NDC1: variants seen among roughly 807,000 people sequenced by gnomAD.
The protein encoded by NDC1 is NDC1 transmembrane nucleoporin, also known as nucleoporin NDC1.
NDC1 carries 24 observed loss-of-function variants against 89.8 expected under a neutral mutation model. The observed-to-expected ratio is 0.27, with a 90% CI of 0.19 to 0.38. The LOEUF (loss-of-function observed/expected upper bound fraction) is 0.38. NDC1 is among the 10% of genes least tolerant of loss of function. The probability of loss-of-function intolerance (pLI) is 1.00; values close to 1 mark genes in which losing one functional copy is unlikely to be tolerated. For missense variants in NDC1, 728 were observed against 797.6 expected, an observed-to-expected ratio of 0.91 and a Z score of 1.05; for synonymous variants, 296 against 284.8, an observed-to-expected ratio of 1.04 and a Z score of -0.39.
chr1:53,806,559 T>C (rs763230002), intron 8 of NDC1, 42 bp from the exon 9 acceptor site: 19 of 1,263,080 alleles, frequency 1.5e-5, no homozygotes, highest in Non-Finnish European at 1.9e-5. Context: ...ATTTTCATGA[T>C]CTTACATTCA....
rs1409365012 is a variant in NDC1 at position 53,767,937 on chromosome 1, A to T, written c.*33T>A. 1 of 1,334,834 alleles carries T rather than the reference A, an allele frequency of 7.5e-7. No individual in the cohort carries two copies. Among genetic ancestry groups the T allele is most frequent in the East Asian group, 2.4e-5 (1 of 41,926 alleles). The allele number at this position is 1,334,834 out of a possible 1,614,324, so 82.7% of individuals were successfully genotyped here. ...TTACTGTCCCATCTGTAGTTGTATC[A>T]GCAGTGTAATGAACACAGTTTATAT... On this transcript the variant is annotated 3_prime_UTR_variant, in exon 18 of 18. Transcript: ENST00000371429.
chr1:53,802,856 G>C (rs551526785), intron 10 of NDC1, among the ~76,000 whole-genome samples: 40 of 152,238 alleles, frequency 2.6e-4, no homozygotes, highest in African/African-American at 9.6e-4. Flanking sequence ...AGTCACCATT[G>C]AATCTAGTTT....
chr1:53,804,297 T>C (rs972438070), intron 9 of NDC1, among the ~76,000 whole-genome samples: 1 of 152,124 alleles, frequency 6.6e-6, no homozygotes, highest in Non-Finnish European at 1.5e-5. Context: ...TTTTCCCTGG[T>C]TTCCCTCACA....
intron 2 of NDC1, among the ~76,000 whole-genome samples, chr1:53,833,263 C>T (rs567194324): frequency 6.6e-6 from 1 of 152,080 alleles, no homozygotes; most frequent in African/African-American, 2.4e-5. Flanking sequence ...TGGGTTCAAG[C>T]AATTCTCCTG....
intron 16 of NDC1, among the ~76,000 whole-genome samples, chr1:53,772,762 T>TA (rs1647128539): frequency 7.0e-6 from 1 of 142,388 alleles, no homozygotes; most frequent in African/African-American, 2.6e-5. Flanking sequence ...TAAAATAAAA[T>TA]AAAAAATTAA....
intron 15 of NDC1, 138 bp downstream of exon 15, chr1:53,788,995 T>C: frequency 1.7e-6 from 1 of 592,088 alleles, no homozygotes; most frequent in Non-Finnish European, 3.0e-6. Flanking sequence ...CAAAATGATC[T>C]ATATAAAACA....
At chr1:53,811,773 C>T (rs746712273) in intron 6 of NDC1, among the ~76,000 whole-genome samples, 10 of 151,914 alleles carry the variant, frequency 6.6e-5, no homozygotes, top group Admixed American at 1.3e-4. Context: ...TTCCGGAAAG[C>T]GCCACCTCCT....
chr1:53,779,571 C>T (rs1647187866), intron 16 of NDC1, among the ~76,000 whole-genome samples: 1 of 152,078 alleles, frequency 6.6e-6, no homozygotes, highest in African/African-American at 2.4e-5. Flanking sequence ...TTAAGAAATG[C>T]AAAACTCTGC....
intron 9 of NDC1, among the ~76,000 whole-genome samples, chr1:53,805,990 C>T (rs986733623): frequency 2.6e-5 from 4 of 152,078 alleles, no homozygotes; most frequent in African/African-American, 4.8e-5. Flanking sequence ...AGGAGAATGG[C>T]GTGAACCCGG....
rs969948856 is a variant in NDC1 at position 53,787,068 on chromosome 1, C to G, written c.1800+90G>C. On this transcript the variant is annotated intron_variant, in intron 16 of 17. Transcript: ENST00000371429. The stretch of plus-strand genomic sequence containing the variant: ...TTTTAACTTCCAACATGTTTTGTCA[C>G]TCGATAAATGTGATATATAGGAAAC... The G allele has an allele frequency of 4.9e-6, 3 of 611,590 alleles. No homozygotes were observed. The African/African-American group carries it at 5.6e-5, about 12-fold the overall frequency. The allele number at this position is 611,590 out of a possible 1,614,324, so 37.9% of individuals were successfully genotyped here.
intron 13 of NDC1, among the ~76,000 whole-genome samples, chr1:53,796,239 G>A (rs142668804): frequency 6.6e-6 from 1 of 152,130 alleles, no homozygotes; most frequent in African/African-American, 2.4e-5. Context: ...AATATGACCT[G>A]TTGAGATGCA....
chr1:53,801,279 G>A (rs1173544163), intron 10 of NDC1, among the ~76,000 whole-genome samples: 1 of 152,094 alleles, frequency 6.6e-6, no homozygotes, highest in African/African-American at 2.4e-5. Context: ...ATGGTCCCCA[G>A]TGACCTCTAA....
At chr1:53,837,615 T>G (rs1330696127) in intron 1 of NDC1, among the ~76,000 whole-genome samples, 2 of 151,934 alleles carry the variant, frequency 1.3e-5, no homozygotes, top group Admixed American at 1.3e-4. Flanking sequence ...AAGTTTTTAG[T>G]TTGGAATACA....
chr1:53,804,324 T>C (rs1229909336), intron 9 of NDC1, among the ~76,000 whole-genome samples: 1 of 152,224 alleles, frequency 6.6e-6, no homozygotes, highest in African/African-American at 2.4e-5. Flanking sequence ...TACACTCACA[T>C]AGCTCTCAAC....
intron 2 of NDC1, among the ~76,000 whole-genome samples, chr1:53,834,677 CAG>C (rs1288193747): frequency 6.6e-6 from 1 of 152,072 alleles, no homozygotes; most frequent in Non-Finnish European, 1.5e-5. Flanking sequence ...CTTAACTACA[CAG>C]AGTTACAGGA....
chr1:53,832,572 A>G lies in NDC1; in HGVS notation c.198T>C (p.Tyr66=), dbSNP rs1487268451. Residue 66 remains tyrosine (Y), a synonymous_variant, in exon 3 of 18, where the codon TAT becomes TAC. Transcript: ENST00000371429. ...QWLSDSFSDL[Y]SSYVIFYFLL... is the part of the protein sequence containing the mutation. ...GGAAGTAAAAGATTACATAGGAACT[A>G]TACAGGTCACTGAAAGAATCTAAAA... The G allele has an allele frequency of 2.5e-6, 4 of 1,576,534 alleles. No individual in the cohort carries two copies. Among genetic ancestry groups the G allele is most frequent in the South Asian group, 1.1e-5 (1 of 89,634 alleles).
intron 7 of NDC1, 84 bp from the exon 8 acceptor site, chr1:53,807,875 A>T: frequency 2.5e-6 from 3 of 1,223,384 alleles, no homozygotes; most frequent in Non-Finnish European, 3.4e-6. Flanking sequence ...ATTGAGACAC[A>T]AATATTATGT....
At chr1:53,769,552 T>C (rs1647095281) in intron 17 of NDC1, among the ~76,000 whole-genome samples, 1 of 152,202 alleles carries the variant, frequency 6.6e-6, no homozygotes, top group Non-Finnish European at 1.5e-5. Context: ...TTTTAAAAAA[T>C]AAGTAAATAG....
chr1:53,807,835 A>T (rs375111066), intron 7 of NDC1, 44 bp from the exon 8 acceptor site: 1 of 1,557,972 alleles, frequency 6.4e-7, no homozygotes, highest in Non-Finnish European at 8.7e-7. Context: ...GAAAAATGCA[A>T]TCTAAATATT....
Sources: allele counts gnomAD v4.1 joint callset (sites outside exome capture counted in the v4.1 genomes callset), GRCh38; gene constraint gnomAD v4.1.1; transcripts MANE v1.5; gene names NCBI Gene and HGNC (gene_info 2026-07-23, HGNC 2026-07-21).